The following MSRB3 variants were observed in gnomAD, a reference collection of about 807,000 sequenced individuals.
MSRB3 encodes methionine-R-sulfoxide reductase B3.
MSRB3 carries 13 observed loss-of-function variants against 21.0 expected under a neutral mutation model. The ratio of observed to expected loss-of-function variants is 0.62; its 90% CI spans 0.40 to 0.98. The LOEUF (loss-of-function observed/expected upper bound fraction) is 0.98, where lower values mean the gene tolerates loss of function less well. Among genes scored for constraint, MSRB3 ranks in the 50% least tolerant of loss-of-function variants. MSRB3 has a pLI of 0.00. For synonymous variants in MSRB3, 87 were observed against 88.6 expected, an observed-to-expected ratio of 0.98 and a Z score of 0.10; for missense variants, 199 against 230.3, an observed-to-expected ratio of 0.86 and a Z score of 0.88.
intron 2 of MSRB3, among the ~76,000 whole-genome samples, chr12:65,309,769 C>T (rs544373084): frequency 2.8e-4 from 42 of 151,988 alleles, no homozygotes; most frequent in African/African-American, 9.6e-4. Context: ...GTGGGGAGGC[C>T]GTTTTTAACA....
At chr12:65,382,149 A>C (rs1878971005) in intron 5 of MSRB3, among the ~76,000 whole-genome samples, 1 of 152,074 alleles carries the variant, frequency 6.6e-6, no homozygotes, top group Non-Finnish European at 1.5e-5. Context: ...AATGATTCAC[A>C]TTGTGGATGG....
chr12:65,397,578 A>C (rs11175746), intron 5 of MSRB3, among the ~76,000 whole-genome samples: 99,352 of 151,894 alleles, frequency 0.65, 32,621 homozygotes, highest in Admixed American at 0.72. Context: ...AATCATTTGG[A>C]AAAGTACAAT....
chr12:65,405,563 A>C (rs1043817250), intron 5 of MSRB3, among the ~76,000 whole-genome samples: 1 of 152,004 alleles, frequency 6.6e-6, no homozygotes, highest in African/African-American at 2.4e-5. Context: ...AGGTGCAACT[A>C]TCTCTTCAAC....
At chr12:65,389,625 T>C (rs1192167897) in intron 5 of MSRB3, among the ~76,000 whole-genome samples, 1 of 152,168 alleles carries the variant, frequency 6.6e-6, no homozygotes, top group Non-Finnish European at 1.5e-5. Flanking sequence ...CATGTCCCGA[T>C]CCCTTCCCTT....
chr12:65,336,643 C>A (rs1875781237), intron 4 of MSRB3, among the ~76,000 whole-genome samples: 1 of 152,214 alleles, frequency 6.6e-6, no homozygotes, highest in South Asian at 2.1e-4. Context: ...GTACATTTAT[C>A]TTGTTTGAAT....
At position 65,406,764 on chromosome 12, in the gene MSRB3, A is replaced by G. The variant is rs560022316; in HGVS notation, c.292+37738A>G. 5.3e-5 allele frequency among the ~76,000 whole-genome samples: 8 copies of G among 152,288 alleles called. No individual in the cohort carries two copies. The East Asian group carries it at 1.4e-3, about 26-fold the overall frequency. Reference sequence around the variant, plus strand: ...ATGTTGAAACTTTATCTCCAATGCCATAATGTTAAGAGCTGGGGTCATTTA... The same window carrying G: ...ATGTTGAAACTTTATCTCCAATGCCGTAATGTTAAGAGCTGGGGTCATTTA... On this transcript the variant is annotated intron_variant, in intron 5 of 6. Coordinates refer to ENST00000308259, the MANE Select transcript of MSRB3 (RefSeq NM_001031679.3).
chr12:65,316,685 C>A (rs1255682562), intron 2 of MSRB3, among the ~76,000 whole-genome samples: 1 of 152,016 alleles, frequency 6.6e-6, no homozygotes. Context: ...AGAAAGATGG[C>A]CACCTCAGGT....
intron 5 of MSRB3, among the ~76,000 whole-genome samples, chr12:65,427,578 T>C (rs1269429633): frequency 2.0e-5 from 3 of 151,972 alleles, no homozygotes; most frequent in Non-Finnish European, 4.4e-5. Context: ...GTCTGATGAG[T>C]GGTGCCCATG....
chr12:65,421,708 C>G (rs182278144), intron 5 of MSRB3, among the ~76,000 whole-genome samples: 1 of 152,100 alleles, frequency 6.6e-6, no homozygotes, highest in African/African-American at 2.4e-5. Flanking sequence ...CCAGACCTGC[C>G]TTATAAGAGA....
At chr12:65,360,734 G>A (rs1458667843) in intron 4 of MSRB3, among the ~76,000 whole-genome samples, 1 of 152,206 alleles carries the variant, frequency 6.6e-6, no homozygotes, top group Non-Finnish European at 1.5e-5. Flanking sequence ...TGAGAAGAAT[G>A]GGGTTCACAA....
At chr12:65,459,778 G>A (rs1262171598) in intron 6 of MSRB3, among the ~76,000 whole-genome samples, 3 of 152,186 alleles carry the variant, frequency 2.0e-5, no homozygotes, top group Non-Finnish European at 4.4e-5. Context: ...GCAGAAAAAT[G>A]TAACTGTGTT....
At position 65,344,868 on chromosome 12, in the gene MSRB3, G is replaced by A. The variant is rs2067810; in HGVS notation, c.263+16265G>A. Among the ~76,000 whole-genome samples the A allele has an allele frequency of 8.5e-5, 13 of 152,148 alleles. No homozygotes were observed. In the East Asian group the frequency reaches 2.3e-3, roughly 27 times the overall value. On this transcript the variant is annotated intron_variant, in intron 4 of 6. Coordinates refer to ENST00000308259, the MANE Select transcript of MSRB3 (RefSeq NM_001031679.3). ...AATTTGCAAACCTCACTGTCCATTA[G>A]AACCATACATTCCAAGTCTCTCCTC...
At chr12:65,383,509 C>T (rs1193646875) in intron 5 of MSRB3, among the ~76,000 whole-genome samples, 1 of 151,596 alleles carries the variant, frequency 6.6e-6, no homozygotes. Flanking sequence ...TTTAATTATG[C>T]CATTAATTTA....
chr12:65,352,574 C>A (rs1337458961), intron 4 of MSRB3, among the ~76,000 whole-genome samples: 7 of 151,754 alleles, frequency 4.6e-5, no homozygotes, highest in Non-Finnish European at 7.4e-5. Flanking sequence ...CCCATTGTCT[C>A]AGCCCAAAAT....
At chr12:65,350,320 G>A (rs1178609077) in intron 4 of MSRB3, among the ~76,000 whole-genome samples, 1 of 151,942 alleles carries the variant, frequency 6.6e-6, no homozygotes, top group Non-Finnish European at 1.5e-5. Flanking sequence ...TAGCCTTGCA[G>A]TATAGTTTGA....
At position 65,334,623 on chromosome 12, in the gene MSRB3, G is replaced by A. The variant is rs141521592; in HGVS notation, c.263+6020G>A. Among the ~76,000 whole-genome samples, 57 of 152,274 alleles carry A rather than the reference G, an allele frequency of 3.7e-4. No homozygotes were observed. The East Asian group carries it at 6.8e-3, about 18-fold the overall frequency. ...GTTGAAAGTTGAAAAGTGTCTCAAT[G>A]TGGGAAGGGCTAGCCCAAAAGTAAT... is the stretch of plus-strand genomic sequence containing the variant. On this transcript the variant is annotated intron_variant, in intron 4 of 6. Transcript: ENST00000308259.
chr12:65,378,935 T>A (rs1237734686), intron 5 of MSRB3, among the ~76,000 whole-genome samples: 3 of 152,234 alleles, frequency 2.0e-5, no homozygotes, highest in Non-Finnish European at 4.4e-5. Flanking sequence ...AAATCATTAA[T>A]GACTGAAATT....
chr12:65,343,935 G>C (rs573626057), intron 4 of MSRB3, among the ~76,000 whole-genome samples: 1 of 152,210 alleles, frequency 6.6e-6, no homozygotes, highest in South Asian at 2.1e-4. Flanking sequence ...TGTAATACAT[G>C]TGAGGTTTAA....
chr12:65,314,368 G>A (rs754099259), intron 2 of MSRB3, among the ~76,000 whole-genome samples: 23 of 151,888 alleles, frequency 1.5e-4, no homozygotes, highest in Admixed American at 1.3e-4. Flanking sequence ...AGCATGAATC[G>A]ATTTTTGCAT....
Sources: gnomAD v4.1 joint callset for allele counts (sites outside exome capture counted in the v4.1 genomes callset) on GRCh38, gnomAD v4.1.1 for gene constraint, MANE v1.5 for transcripts, NCBI Gene and HGNC (gene_info 2026-07-23, HGNC 2026-07-21) for gene names.